The following GABRB3 variants were observed in gnomAD, a reference collection of about 807,000 sequenced individuals.
GABRB3 encodes the protein gamma-aminobutyric acid type A receptor subunit beta3.
In GABRB3, 14 loss-of-function variants were observed where a neutral mutation model predicts 52.1. The observed-to-expected ratio is 0.27, with a 90% confidence interval of 0.18 to 0.42. The LOEUF (loss-of-function observed/expected upper bound fraction) is 0.42, where lower values mean the gene tolerates loss of function less well. Among genes scored for constraint, GABRB3 ranks in the 10% least tolerant of loss-of-function variants. The pLI, the probability that GABRB3 is intolerant of heterozygous loss-of-function variation, is 1.00. For missense variants in GABRB3, 307 were observed against 609.1 expected (o/e 0.50, Z 5.22); for synonymous variants, 260 against 232.3 (o/e 1.12, Z -1.08).
In GABRB3 at chr15:26,711,774, T is replaced by C. The variant is rs567662272; in HGVS notation, c.240+60628A>G. On this transcript the variant is annotated intron_variant, in intron 3 of 8. Coordinates refer to ENST00000311550, the MANE Select transcript of GABRB3 (RefSeq NM_000814.6). The stretch of plus-strand genomic sequence containing the variant: ...CAGCCAGCAGCATCAACCACCTGTC[T>C]TGGTATTGTAATGAAGTAGCGAACG... 4.6e-5 allele frequency among the ~76,000 whole-genome samples: 7 copies of C among 152,330 alleles called. No homozygotes were observed. The South Asian group carries it at 1.2e-3, about 27-fold the overall frequency.
chr15:26,625,333 C>A, intron 3 of GABRB3: 1 of 352,524 alleles, frequency 2.8e-6, no homozygotes, highest in Non-Finnish European at 4.0e-6. Flanking sequence ...CCCAACCCAT[C>A]GCCAAACATT....
intron 3 of GABRB3, among the ~76,000 whole-genome samples, chr15:26,720,583 C>T (rs1889617634): frequency 6.6e-6 from 1 of 152,194 alleles, no homozygotes; most frequent in African/African-American, 2.4e-5. Context: ...CCTCTCCCCA[C>T]CAAAAGGAAT....
At chr15:26,766,335 G>A (rs927000085) in intron 3 of GABRB3, among the ~76,000 whole-genome samples, 1 of 152,224 alleles carries the variant, frequency 6.6e-6, no homozygotes, top group Non-Finnish European at 1.5e-5. Context: ...GTCAGTTGAT[G>A]AATTCAGATG....
intron 3 of GABRB3, among the ~76,000 whole-genome samples, chr15:26,763,308 G>A (rs1890871090): frequency 6.6e-6 from 1 of 152,178 alleles, no homozygotes; most frequent in East Asian, 1.9e-4. Flanking sequence ...TAAAGTTACG[G>A]TTAATTTTTA....
chr15:26,690,416 G>A (rs1196357936), intron 3 of GABRB3, among the ~76,000 whole-genome samples: 1 of 152,024 alleles, frequency 6.6e-6, no homozygotes, highest in Non-Finnish European at 1.5e-5. Context: ...AAGACTTGGG[G>A]ACAAATACAT....
chr15:26,716,246 G>A (rs118142978), intron 3 of GABRB3, among the ~76,000 whole-genome samples: 1,905 of 152,254 alleles, frequency 0.013, 13 homozygotes, highest in Non-Finnish European at 0.018. Context: ...CCCACTGAAC[G>A]TGGCTGTGTG....
intron 3 of GABRB3, among the ~76,000 whole-genome samples, chr15:26,744,948 G>A (rs182042851): frequency 5.3e-5 from 8 of 152,124 alleles, no homozygotes. Flanking sequence ...AGCTTAATTG[G>A]CTCACAGTTC....
chr15:26,558,480 G>C (rs777585688), intron 8 of GABRB3, among the ~76,000 whole-genome samples: 52 of 152,170 alleles, frequency 3.4e-4, no homozygotes, highest in Non-Finnish European at 5.0e-4. Flanking sequence ...ATAGGCTTGA[G>C]AAATAAGTAT....
intron 3 of GABRB3, among the ~76,000 whole-genome samples, chr15:26,665,934 T>C (rs1887696643): frequency 1.3e-5 from 2 of 152,238 alleles, no homozygotes; most frequent in Admixed American, 6.5e-5. Flanking sequence ...ATGGCACGTG[T>C]GGTAAGCCAC....
intron 3 of GABRB3, among the ~76,000 whole-genome samples, chr15:26,734,490 C>T (rs1443308083): frequency 6.6e-6 from 1 of 151,972 alleles, no homozygotes; most frequent in Non-Finnish European, 1.5e-5. Flanking sequence ...TGTCAGAAAA[C>T]ACTATCTGGC....
Position 26,740,102 on chromosome 15 carries a change from G to A in GABRB3, c.240+32300C>T, listed in dbSNP as rs568533212. Among the ~76,000 whole-genome samples the A allele has an allele frequency of 6.6e-5, 10 of 152,098 alleles. No individual in the cohort carries two copies. In the South Asian group the frequency reaches 1.0e-3, roughly 16 times the overall value. ...TCACTCTCTTGCTGAAACAACAATC[G>A]GCAGCTTCCCAGGGCTGACCAAGTG... On this transcript the variant is annotated intron_variant, in intron 3 of 8. Transcript: ENST00000311550.
chr15:26,647,789 T>TC (rs1887056204), intron 3 of GABRB3, among the ~76,000 whole-genome samples: 1 of 152,022 alleles, frequency 6.6e-6, no homozygotes, highest in Non-Finnish European at 1.5e-5. Flanking sequence ...TAAGGCAGGA[T>TC]CCCAGAGCGG....
At position 26,699,567 on chromosome 15, in the gene GABRB3, T is replaced by G. The variant is rs1888860469; in HGVS notation, c.240+72835A>C. On this transcript the variant is annotated intron_variant, in intron 3 of 8. Transcript: ENST00000311550. ...TTTAAAAGTTATTATAAGTCTATTC[T>G]CGATACTCAAAAAGTTAACTAGATC... Among the ~76,000 whole-genome samples, 4 of 152,028 alleles carry G rather than the reference T, an allele frequency of 2.6e-5. No individual in the cohort carries two copies. The South Asian group carries it at 8.3e-4, about 31-fold the overall frequency.
intron 3 of GABRB3, among the ~76,000 whole-genome samples, chr15:26,701,237 G>A (rs1290310517): frequency 6.6e-6 from 1 of 152,052 alleles, no homozygotes; most frequent in East Asian, 1.9e-4. Context: ...CAACACTTGA[G>A]AGATCCAGCC....
At chr15:26,750,686 T>A (rs1466785434) in intron 3 of GABRB3, among the ~76,000 whole-genome samples, 1 of 152,208 alleles carries the variant, frequency 6.6e-6, no homozygotes, top group Admixed American at 6.5e-5. Flanking sequence ...GTAAAATGGC[T>A]TTATTATTAA....
intron 8 of GABRB3, among the ~76,000 whole-genome samples, chr15:26,558,265 C>G (rs12901061): frequency 0.25 from 37,715 of 152,106 alleles, 5,556 homozygotes; most frequent in East Asian, 0.72. Context: ...CACAGACCCT[C>G]AGTTTTCTGA....
Position 26,705,084 on chromosome 15 carries a change from T to A in GABRB3, c.240+67318A>T, listed in dbSNP as rs77609119. ...CCTATCAAGTCCTGCCCTAGTCCAG[T>A]TGTGCTGCTATAACAGAATGCCTGA... On this transcript the variant is annotated intron_variant, in intron 3 of 8. Coordinates refer to ENST00000311550, the MANE Select transcript of GABRB3 (RefSeq NM_000814.6). 6.4e-3 allele frequency among the ~76,000 whole-genome samples: 982 copies of A among 152,338 alleles called. 12 individuals carry two copies. Among genetic ancestry groups the A allele is most frequent in the African/African-American group, 0.023 (940 of 41,570 alleles).
chr15:26,596,846 G>C (rs55724859), intron 4 of GABRB3, among the ~76,000 whole-genome samples: 2,568 of 152,254 alleles, frequency 0.017, 83 homozygotes, highest in African/African-American at 0.059. Flanking sequence ...TATAAGAAAT[G>C]AAATTTCTTT....
At chr15:26,641,319 T>C (rs1893194740) in intron 3 of GABRB3, among the ~76,000 whole-genome samples, 1 of 152,318 alleles carries the variant, frequency 6.6e-6, no homozygotes, top group South Asian at 2.1e-4. Context: ...TGGAGCCACA[T>C]TGGGAGACTC....
Sources: allele counts gnomAD v4.1 joint callset (sites outside exome capture counted in the v4.1 genomes callset), GRCh38; gene constraint gnomAD v4.1.1; transcripts MANE v1.5; gene names NCBI Gene and HGNC (gene_info 2026-07-23, HGNC 2026-07-21).